SLCO1B1: variants seen among roughly 807,000 people sequenced by gnomAD.
SLCO1B1 encodes OATP-2.
A neutral mutation model predicts 70.1 loss-of-function variants in SLCO1B1; 81 were observed. The ratio of observed to expected loss-of-function variants is 1.16; its 90% CI spans 0.97 to 1.39. The LOEUF is 1.39. Ranked by LOEUF, SLCO1B1 falls within the 40% of genes most tolerant of loss-of-function variation. The probability of loss-of-function intolerance (pLI) is 0.00; values close to 1 mark genes in which losing one functional copy is unlikely to be tolerated. For missense variants in SLCO1B1, 895 were observed against 799.6 expected, an observed-to-expected ratio of 1.12 and a Z score of -1.44; for synonymous variants, 283 against 271.5, an observed-to-expected ratio of 1.04 and a Z score of -0.42.
chr12:21,185,645 A>G (rs549671038), intron 7 of SLCO1B1, among the ~76,000 whole-genome samples: 177 of 152,162 alleles, frequency 1.2e-3, no homozygotes, highest in African/African-American at 4.0e-3. Context: ...AGGCAGAGAG[A>G]TTTCAAATTA....
intron 8 of SLCO1B1, among the ~76,000 whole-genome samples, chr12:21,200,203 T>C (rs1941140348): frequency 6.6e-6 from 1 of 152,206 alleles, no homozygotes; most frequent in African/African-American, 2.4e-5. Context: ...TTTGCAATAG[T>C]ATTGTAAAGT....
rs537508858 is a variant in SLCO1B1, at chr12:21,202,567, C to T, written c.1212C>T (p.Thr404=). 4.3e-5 allele frequency: 70 copies of T among 1,611,638 alleles called. No homozygotes were observed. The South Asian group carries it at 6.2e-4, about 14-fold the overall frequency. The part of the protein sequence containing the change: ...GYIIKKFKLN[T]VGIAKFSCFT... ...TCATTAAAAAATTCAAACTGAACACCGTTGGAATTGCCAAATTCTCATGTT... is the reference window on the plus strand; with the variant it reads ...TCATTAAAAAATTCAAACTGAACACTGTTGGAATTGCCAAATTCTCATGTT... The change falls in exon 10 of 15, where the codon ACC becomes ACT. Residue 404 remains threonine, a synonymous_variant. Coordinates refer to ENST00000256958, the MANE Select transcript of SLCO1B1 (RefSeq NM_006446.5).
At chr12:21,204,398 GTAT>G (rs1941190433) in intron 10 of SLCO1B1, among the ~76,000 whole-genome samples, 1 of 151,132 alleles carries the variant, frequency 6.6e-6, no homozygotes, top group Admixed American at 6.6e-5. Flanking sequence ...AATTTTCTTA[GTAT>G]TACTTTCTAA....
In SLCO1B1 at chr12:21,170,363, A is replaced by G. The variant is rs544332147; in HGVS notation, c.85-2287A>G. On this transcript the variant is annotated intron_variant, in intron 2 of 14. Coordinates refer to ENST00000256958, the MANE Select transcript of SLCO1B1 (RefSeq NM_006446.5). ...ACAGAAACCTTGTAATTGGTTCTGA[A>G]GTTCTCACAGAGGCATTTAGTACAT... Among the ~76,000 whole-genome samples the G allele has an allele frequency of 2.6e-5, 4 of 152,210 alleles. No homozygotes were observed. The South Asian group carries it at 6.2e-4, about 24-fold the overall frequency.
chr12:21,196,941 T>C lies in SLCO1B1; in HGVS notation c.728-5T>C, dbSNP rs1386466823. On this transcript the variant is annotated splice_region_variant and splice_polypyrimidine_tract_variant and intron_variant, in intron 7 of 14. Transcript: ENST00000256958. ...TTGACTGGCTTCTATAATTATTTAT[T>C]CTAGGCACTATCAGGATAACTCCTA... 1.2e-6 allele frequency: 2 copies of C among 1,613,248 alleles called. No individual in the cohort carries two copies. Among genetic ancestry groups the C allele is most frequent in the South Asian group, 1.1e-5 (1 of 91,026 alleles).
chr12:21,173,410 T>C (rs898427543), intron 3 of SLCO1B1, among the ~76,000 whole-genome samples: 2 of 152,078 alleles, frequency 1.3e-5, no homozygotes, highest in Non-Finnish European at 2.9e-5. Context: ...TCTTTAAATT[T>C]TTTTCTTCTA....
In SLCO1B1 at chr12:21,176,842, T is replaced by C. The variant is rs935396848; in HGVS notation, c.426T>C (p.Cys142=). 6.4e-7 allele frequency: 1 copy of C among 1,551,656 alleles called. No homozygotes were observed. Among genetic ancestry groups the C allele is most frequent in the Non-Finnish European group, 8.9e-7 (1 of 1,123,222 alleles). The change falls in exon 5 of 15, where the codon TGT becomes TGC. Residue 142 remains cysteine (C), a synonymous_variant. Coordinates refer to ENST00000256958, the MANE Select transcript of SLCO1B1 (RefSeq NM_006446.5). ...SENSTSTLST[C]LINQILSLNR... ...ATTCAACATCGACCTTATCCACTTG[T>C]TTAATTAATCAAATTTTATCACTCA... is the stretch of plus-strand genomic sequence containing the variant.
At chr12:21,215,094 G>T (rs1367300225) in intron 11 of SLCO1B1, among the ~76,000 whole-genome samples, 2 of 151,650 alleles carry the variant, frequency 1.3e-5, no homozygotes, top group East Asian at 3.9e-4. Flanking sequence ...CTCCAACCAG[G>T]GTTTTTGAGA....
intron 2 of SLCO1B1, among the ~76,000 whole-genome samples, chr12:21,168,289 C>G (rs1940715616): frequency 6.6e-6 from 1 of 152,050 alleles, no homozygotes; most frequent in Admixed American, 6.6e-5. Context: ...ACCACATTTT[C>G]TTTATTCATT....
At chr12:21,205,489 T>A (rs1941205119) in intron 10 of SLCO1B1, among the ~76,000 whole-genome samples, 2 of 151,778 alleles carry the variant, frequency 1.3e-5, no homozygotes, top group South Asian at 4.1e-4. Flanking sequence ...GGAATGTCAG[T>A]CTAATGTCAT....
Position 21,162,271 on chromosome 12 carries a change from T to G in SLCO1B1, c.85-10379T>G, listed in dbSNP as rs1751758528. Among the ~76,000 whole-genome samples the G allele has an allele frequency of 3.9e-5, 6 of 152,188 alleles. No individual in the cohort carries two copies. The South Asian group carries it at 1.2e-3, about 31-fold the overall frequency. ...AACACTTAAAAATATTTTCTTCAAT[T>G]TAATTGACTATATTTTTTTATTTGG... On this transcript the variant is annotated intron_variant, in intron 2 of 14. Coordinates refer to ENST00000256958, the MANE Select transcript of SLCO1B1 (RefSeq NM_006446.5).
At chr12:21,155,252 C>A (rs1278012031) in intron 2 of SLCO1B1, among the ~76,000 whole-genome samples, 1 of 151,348 alleles carries the variant, frequency 6.6e-6, no homozygotes, top group Non-Finnish European at 1.5e-5. Flanking sequence ...ATATCTTAAC[C>A]TTTTACCTAT....
intron 12 of SLCO1B1, among the ~76,000 whole-genome samples, chr12:21,221,035 T>G (rs1031128326): frequency 1.5e-3 from 222 of 152,000 alleles, no homozygotes; most frequent in African/African-American, 5.2e-3. Flanking sequence ...CCAAAACCAT[T>G]TGATAAGACA....
chr12:21,231,009 T>A, intron 14 of SLCO1B1, among the ~76,000 whole-genome samples: 1 of 128,938 alleles, frequency 7.8e-6, no homozygotes, highest in Non-Finnish European at 1.6e-5. Context: ...TGTGTGATGT[T>A]CCCCTTCCTG....
chr12:21,139,787 C>T (rs564343903), intron 1 of SLCO1B1, among the ~76,000 whole-genome samples: 10 of 152,256 alleles, frequency 6.6e-5, no homozygotes, highest in East Asian at 1.9e-4. Context: ...CTTCTTGTTT[C>T]TGCTCACATA....
chr12:21,224,102 T>G (rs1311091648), intron 13 of SLCO1B1, among the ~76,000 whole-genome samples: 1 of 152,062 alleles, frequency 6.6e-6, no homozygotes, highest in Non-Finnish European at 1.5e-5. Flanking sequence ...CAAAATCAAT[T>G]GTAGAAAATC....
intron 8 of SLCO1B1, among the ~76,000 whole-genome samples, chr12:21,199,876 A>ACTGCAACCTTCGC (rs553548462): frequency 2.3e-3 from 348 of 151,978 alleles, no homozygotes; most frequent in African/African-American, 8.1e-3. Flanking sequence ...ATCTCAGCTC[A>ACTGCAACCTTCGC]CTGCAACCTT....
At chr12:21,173,836 G>A (rs1449041725) in intron 3 of SLCO1B1, among the ~76,000 whole-genome samples, 4 of 147,328 alleles carry the variant, frequency 2.7e-5, no homozygotes, top group Non-Finnish European at 4.5e-5. Context: ...GCAGTGGTGC[G>A]ATCTCCCCTC....
Position 21,178,950 on chromosome 12 carries a change from T to A in SLCO1B1, c.657T>A (p.Gly219=). 6.2e-7 allele frequency: 1 copy of A among 1,609,448 alleles called. No individual in the cohort carries two copies. Among genetic ancestry groups the A allele is most frequent in the Non-Finnish European group, 8.5e-7 (1 of 1,176,144 alleles). The stretch of plus-strand genomic sequence containing the variant: ...TATTGAATGCAATAGCAATGATTGG[T>A]CCAATCATTGGCTTTACCCTGGGAT... ...LGILNAIAMI[G]PIIGFTLGSL... The change falls in exon 7 of 15, where the codon GGT becomes GGA. Residue 219 remains glycine, a synonymous_variant. Coordinates refer to ENST00000256958, the MANE Select transcript of SLCO1B1 (RefSeq NM_006446.5).
Sources: allele counts gnomAD v4.1 joint callset (sites outside exome capture counted in the v4.1 genomes callset), GRCh38; gene constraint gnomAD v4.1.1; transcripts MANE v1.5; gene names NCBI Gene and HGNC (gene_info 2026-07-23, HGNC 2026-07-21).